The following JPT2 variants were observed in gnomAD, a reference collection of about 807,000 sequenced individuals.
JPT2 encodes the protein CRAMP_1 like.
Under a neutral mutation model 15.9 loss-of-function variants are expected in JPT2, and 9 were observed. That is an observed-to-expected ratio of 0.57 (90% confidence interval 0.34 to 0.99). The LOEUF (loss-of-function observed/expected upper bound fraction) is 0.99. Ranked by LOEUF, JPT2 falls within the 50% of genes least tolerant of loss-of-function variation. The pLI is 0.02. For synonymous variants in JPT2, 95 were observed against 91.7 expected, an observed-to-expected ratio of 1.04 and a Z score of -0.21; for missense variants, 267 against 252.1, an observed-to-expected ratio of 1.06 and a Z score of -0.40.
chr16:1,701,734 G>GC lies in JPT2; in HGVS notation c.*2737dup. ...AGGAGAAGCAGAGAGCTTGTCATAT[G>GC]CAAGTCCTGTCAAGAAAACAGGTGG... On this transcript the variant is annotated 3_prime_UTR_variant, in exon 5 of 5. Transcript: ENST00000248098. 1 of 164,266 alleles carries GC rather than the reference G, an allele frequency of 6.1e-6. No homozygotes were observed. The highest frequency in any genetic ancestry group is 1.3e-5 in the Non-Finnish European group (1 of 74,534). The allele number at this position is 164,266 out of a possible 1,614,324, so 10.2% of individuals were successfully genotyped here.
At chr16:1,687,836 G>A (rs1449992667) in intron 2 of JPT2, among the ~76,000 whole-genome samples, 1 of 152,208 alleles carries the variant, frequency 6.6e-6, no homozygotes, top group Non-Finnish European at 1.5e-5. Flanking sequence ...ACCACCCAAC[G>A]AGATCTGGAG....
rs2037181589 is a variant in JPT2 at position 1,701,759 on chromosome 16, G to A, written c.*2761G>A. 2 of 167,928 alleles carry A rather than the reference G, an allele frequency of 1.2e-5. No homozygotes were observed. The highest frequency in any genetic ancestry group is 4.8e-5 in the African/African-American group (2 of 42,084). The allele number at this position is 167,928 out of a possible 1,614,324, so 10.4% of individuals were successfully genotyped here. A position where few individuals can be genotyped will look rare whatever the true frequency, so the allele number is the denominator to read the frequency against. On this transcript the variant is annotated 3_prime_UTR_variant, in exon 5 of 5. Coordinates refer to ENST00000248098, the MANE Select transcript of JPT2 (RefSeq NM_144570.3). ...GCAAGTCCTGTCAAGAAAACAGGTG[G>A]GCATGGTGGCTCAGGTCTGTAGTCT...
intron 1 of JPT2, among the ~76,000 whole-genome samples, chr16:1,679,897 A>C (rs533172877): frequency 6.6e-6 from 1 of 152,186 alleles, no homozygotes; most frequent in African/African-American, 2.4e-5. Context: ...TCTACTAAAA[A>C]TACGAAAAAA....
At position 1,680,433 on chromosome 16, in the gene JPT2, G is replaced by A. The variant is rs541180864; in HGVS notation, c.44+2077G>A. ...GACTGGTTTCTGGACAAGGTGTTGAGAAAGGGAGAAAACTCTTCCTTTTAG... is the reference window on the plus strand; with the variant it reads ...GACTGGTTTCTGGACAAGGTGTTGAAAAAGGGAGAAAACTCTTCCTTTTAG... On this transcript the variant is annotated intron_variant, in intron 1 of 4. Coordinates refer to ENST00000248098, the MANE Select transcript of JPT2 (RefSeq NM_144570.3). The A allele has an allele frequency of 3.3e-6, 4 of 1,207,870 alleles. No homozygotes were observed. The African/African-American group carries it at 6.3e-5, about 19-fold the overall frequency. 74.8% of individuals were successfully genotyped at this position (1,207,870 alleles called of 1,614,324 possible). A position where few individuals can be genotyped will look rare whatever the true frequency, so the allele number is the denominator to read the frequency against.
chr16:1,702,351 G>A (rs143998775), downstream of JPT2: 60 of 308,760 alleles, frequency 1.9e-4, no homozygotes, highest in East Asian at 2.8e-3. Context: ...GAAATGACAC[G>A]CTAAGTTTCC....
intron 3 of JPT2, among the ~76,000 whole-genome samples, chr16:1,696,457 G>A (rs1346295067): frequency 6.6e-6 from 1 of 151,850 alleles, no homozygotes; most frequent in African/African-American, 2.4e-5. Context: ...GAAGGCAAAG[G>A]GCGCAGTGAG....
In JPT2 at chr16:1,702,060, A is replaced by T. The variant is rs2037183670; in HGVS notation, c.*3062A>T. 6.7e-6 allele frequency: 3 copies of T among 448,226 alleles called. No homozygotes were observed. Among genetic ancestry groups the T allele is most frequent in the Non-Finnish European group, 1.3e-5 (3 of 222,262 alleles). 27.8% of individuals were successfully genotyped at this position (448,226 alleles called of 1,614,324 possible). On this transcript the variant is annotated 3_prime_UTR_variant, in exon 5 of 5. Transcript: ENST00000248098. ...GACCCTGTGTAAAAAAATAAAATAA[A>T]AAACAGATTGGATGTCTTTCTTCTG... is the stretch of plus-strand genomic sequence containing the variant.
intron 3 of JPT2, among the ~76,000 whole-genome samples, chr16:1,693,727 C>T (rs1206741761): frequency 2.0e-5 from 3 of 151,314 alleles, no homozygotes; most frequent in Non-Finnish European, 4.4e-5. Flanking sequence ...AGAGAAATGA[C>T]TAATTCCAGG....
intron 3 of JPT2, among the ~76,000 whole-genome samples, chr16:1,694,913 C>T (rs2037130326): frequency 6.6e-6 from 1 of 152,138 alleles, no homozygotes. Flanking sequence ...CTTCATGACC[C>T]TGGATTTGGC....
At chr16:1,680,458 G>T in intron 1 of JPT2, 1 of 1,240,316 alleles carries the variant, frequency 8.1e-7, no homozygotes, top group Non-Finnish European at 1.0e-6. Context: ...CTTCCTTTTA[G>T]GATGGTGAGG....
chr16:1,694,686 AG>A (rs2037128356), intron 3 of JPT2, among the ~76,000 whole-genome samples: 1 of 151,702 alleles, frequency 6.6e-6, no homozygotes, highest in Non-Finnish European at 1.5e-5. Flanking sequence ...AGCCTTCCAA[AG>A]GGCTTTTTTT....
At chr16:1,702,747 GCT>G (rs965704745), downstream of JPT2, among the ~76,000 whole-genome samples, 1 of 152,204 alleles carries the variant, frequency 6.6e-6, no homozygotes, top group African/African-American at 2.4e-5. Flanking sequence ...ATCTAAAGAT[GCT>G]CTCTCAAACT....
At chr16:1,688,595 C>G (rs1567470106) in intron 2 of JPT2, 1 of 152,190 alleles carries the variant, frequency 6.6e-6, no homozygotes, top group African/African-American at 2.4e-5. Context: ...TCTTGTAGGC[C>G]AGGTGCGGTG....
At chr16:1,680,385 G>A in intron 1 of JPT2, 1 of 1,073,644 alleles carries the variant, frequency 9.3e-7, no homozygotes, top group Non-Finnish European at 1.1e-6. Context: ...CCGCACTAAA[G>A]TCATACTCAC....
chr16:1,689,108 GTC>G (rs1301238048), intron 2 of JPT2: 1 of 152,020 alleles, frequency 6.6e-6, no homozygotes, highest in Non-Finnish European at 1.5e-5. Context: ...GATAGTTAAT[GTC>G]TTACAGACTT....
intron 2 of JPT2, chr16:1,686,072 T>C (rs185527598): frequency 6.5e-6 from 1 of 153,552 alleles, no homozygotes; most frequent in Admixed American, 6.5e-5. Flanking sequence ...TAGGAGGGAC[T>C]CTTTGAAAAA....
Position 1,699,294 on chromosome 16 carries a change from T to C in JPT2, c.*296T>C, listed in dbSNP as rs1277569612. 1 of 585,736 alleles carries C rather than the reference T, an allele frequency of 1.7e-6. No homozygotes were observed. Among genetic ancestry groups the C allele is most frequent in the Non-Finnish European group, 3.2e-6 (1 of 310,644 alleles). The allele number at this position is 585,736 out of a possible 1,614,324, so 36.3% of individuals were successfully genotyped here. A position where few individuals can be genotyped will look rare whatever the true frequency, so the allele number is the denominator to read the frequency against. On this transcript the variant is annotated 3_prime_UTR_variant, in exon 5 of 5. Coordinates refer to ENST00000248098, the MANE Select transcript of JPT2 (RefSeq NM_144570.3). ...GGTGGGGAGGTGGGGCAGGGCATGG[T>C]CCTTGGATCAACAGCCCGCCAGCTG... is the stretch of plus-strand genomic sequence containing the variant.
In JPT2 at chr16:1,698,786, G is replaced by T. The variant is rs1304137879; in HGVS notation, c.386-25G>T. On this transcript the variant is annotated intron_variant, in intron 4 of 4. Coordinates refer to ENST00000248098, the MANE Select transcript of JPT2 (RefSeq NM_144570.3). This position sits in a 1 kb window ranked among gnomAD's most constrained non-coding sequence, Gnocchi z 4.9. ...GGTCATGGGTTGCCTCTAATGGGAT[G>T]TTGTTCTAACTTTGTGTCCCACAGC... is the stretch of plus-strand genomic sequence containing the variant. The T allele has an allele frequency of 6.3e-7, 1 of 1,596,094 alleles. No individual in the cohort carries two copies. Among genetic ancestry groups the T allele is most frequent in the East Asian group, 2.2e-5 (1 of 44,654 alleles).
At chr16:1,687,459 G>A (rs1295597578) in intron 2 of JPT2, among the ~76,000 whole-genome samples, 15 of 152,086 alleles carry the variant, frequency 9.9e-5, no homozygotes, top group Admixed American at 9.2e-4. Context: ...ATAATATATC[G>A]CATGCAAGAT....
Sources: gnomAD v4.1 joint callset for allele counts (sites outside exome capture counted in the v4.1 genomes callset) on GRCh38, gnomAD v4.1.1 for gene constraint, Gnocchi (gnomAD v3.1) non-coding constraint, MANE v1.5 for transcripts, NCBI Gene and HGNC (gene_info 2026-07-23, HGNC 2026-07-21) for gene names.